Variants in PAX6 observed in about 807,000 individuals in gnomAD.
PAX6 encodes paired box 6, also known as paired box protein Pax-6.
A neutral mutation model predicts 60.7 loss-of-function variants in PAX6; 7 were observed. That is an observed-to-expected ratio of 0.12 (90% confidence interval 0.07 to 0.22). The LOEUF is 0.22. Among genes scored for constraint, PAX6 ranks in the 10% least tolerant of loss-of-function variants. The pLI is 1.00. For synonymous variants in PAX6, 208 were observed against 201.2 expected (o/e 1.03, Z -0.29); for missense variants, 355 against 555.2 (o/e 0.64, Z 3.62).
Position 31,811,080 on chromosome 11 carries a change from A to C in PAX6, c.-317+35T>G, listed in dbSNP as rs536849527. On this transcript the variant is annotated intron_variant, in intron 1 of 13. Coordinates refer to ENST00000640368, the MANE Select transcript of PAX6 (RefSeq NM_001368894.2). ...AGCGGCTGGAGAGTGAGAGATAAAG[A>C]GTGTGGGTGAGGGAAGTGGCTGCAG... The C allele has an allele frequency of 5.5e-5, 22 of 399,246 alleles. No individual in the cohort carries two copies. In the South Asian group the frequency reaches 2.7e-3, roughly 48 times the overall value. The allele number at this position is 399,246 out of a possible 1,614,324, so 24.7% of individuals were successfully genotyped here.
chr11:31,815,499 G>A (rs1957336243), upstream of PAX6, among the ~76,000 whole-genome samples: 1 of 152,118 alleles, frequency 6.6e-6, no homozygotes, highest in Non-Finnish European at 1.5e-5. Context: ...GGAACTGGGG[G>A]CTTTACTGGG....
At chr11:31,797,881 C>G (rs757872713) in intron 8 of PAX6, among the ~76,000 whole-genome samples, 6 of 152,152 alleles carry the variant, frequency 3.9e-5, no homozygotes, top group Admixed American at 1.3e-4. Flanking sequence ...GTGCCGTTCA[C>G]CTTCCAGCCT....
At chr11:31,792,928 G>A (rs1332400350) in intron 12 of PAX6, 1 of 334,770 alleles carries the variant, frequency 3.0e-6, no homozygotes, top group Admixed American at 4.5e-5. Flanking sequence ...ATTATATTAT[G>A]TATATCTCAC....
intron 11 of PAX6, 41 bp from the exon 12 acceptor site, chr11:31,793,594 G>C (rs756554745): frequency 1.9e-6 from 3 of 1,613,448 alleles, no homozygotes; most frequent in South Asian, 2.2e-5. Flanking sequence ...GTGAGAGTCA[G>C]AGCCCGGAGC....
rs1391346869 is a variant in PAX6 at position 31,793,275 on chromosome 11, A to G, written c.1074+163T>C. On this transcript the variant is annotated intron_variant, in intron 12 of 13. Coordinates refer to ENST00000640368, the MANE Select transcript of PAX6 (RefSeq NM_001368894.2). ...CATGAATTAATGAGTCAATCACTTA[A>G]AAGTGATGGGATTGACTGTCTCCGA... The G allele has an allele frequency of 7.0e-6, 5 of 717,244 alleles. No individual in the cohort carries two copies. The South Asian group carries it at 7.3e-5, about 10-fold the overall frequency. The allele number at this position is 717,244 out of a possible 1,614,324, so 44.4% of individuals were successfully genotyped here.
At chr11:31,802,445 T>C (rs536482257) in intron 5 of PAX6, 2 of 474,816 alleles carry the variant, frequency 4.2e-6, no homozygotes, top group Non-Finnish European at 7.4e-6. Flanking sequence ...AAGATTTTTT[T>C]AAAAAAATCC....
chr11:31,797,705 C>G lies in PAX6; in HGVS notation c.566-2917G>C, dbSNP rs553489601. On this transcript the variant is annotated intron_variant, in intron 8 of 13. Coordinates refer to ENST00000640368, the MANE Select transcript of PAX6 (RefSeq NM_001368894.2). ...TTACATAAAATGGGTACATTTCCCC[C>G]CACTTTAGTGGATTTGCCTTCCACT... Among the ~76,000 whole-genome samples the G allele has an allele frequency of 8.5e-5, 13 of 152,262 alleles. No individual in the cohort carries two copies. In the South Asian group the frequency reaches 2.7e-3, roughly 32 times the overall value.
At chr11:31,794,864 T>A in intron 8 of PAX6, 76 bp from the exon 9 acceptor site, 1 of 1,372,518 alleles carries the variant, frequency 7.3e-7, no homozygotes, top group Non-Finnish European at 1.0e-6. Flanking sequence ...GGTGTAGTCT[T>A]AAACTCCAAG....
At chr11:31,800,458 C>A in intron 8 of PAX6, 3 of 626,694 alleles carry the variant, frequency 4.8e-6, no homozygotes, top group South Asian at 3.6e-5. Flanking sequence ...CACCCACCAG[C>A]CACCTTCATA....
intron 4 of PAX6, chr11:31,806,104 A>C: frequency 6.9e-6 from 3 of 437,270 alleles, no homozygotes. Context: ...CAGGGGCGAG[A>C]GGGGGTGTGA....
intron 12 of PAX6, chr11:31,791,094 C>G: frequency 1.6e-6 from 1 of 618,248 alleles, no homozygotes; most frequent in East Asian, 3.0e-5. Context: ...ACTTTAGGTT[C>G]TGACAACTGT....
chr11:31,809,657 T>C (rs1388305066), intron 2 of PAX6: 2 of 152,194 alleles, frequency 1.3e-5, no homozygotes, highest in African/African-American at 4.8e-5. Flanking sequence ...AAAGACACTT[T>C]TCCTCCTGGG....
At chr11:31,813,961 C>T (rs1592669182), upstream of PAX6, among the ~76,000 whole-genome samples, 1 of 152,102 alleles carries the variant, frequency 6.6e-6, no homozygotes, top group East Asian at 1.9e-4. Context: ...GGTGCGGGCG[C>T]GGTTGCCAGA....
chr11:31,793,480 C>T lies in PAX6; in HGVS notation c.1032G>A (p.Pro344=), dbSNP rs146261351. The part of the protein sequence containing the change: ...TALTNTYSAL[P]PMPSFTMANN... ...TTGCCATGGTGAAGCTGGGCATAGG[C>T]GGCAGAGCGCTGTAGGTGTTTGTGA... Residue 344 remains proline, a synonymous_variant, in exon 12 of 14, where the codon CCG becomes CCA. Transcript: ENST00000640368. The T allele has an allele frequency of 1.0e-4, 165 of 1,614,218 alleles. No individual in the cohort carries two copies. The African/African-American group carries it at 1.4e-3, about 14-fold the overall frequency.
At chr11:31,790,896 A>T in intron 12 of PAX6, 36 bp from the exon 13 acceptor site, 1 of 1,608,934 alleles carries the variant, frequency 6.2e-7, no homozygotes, top group Non-Finnish European at 8.5e-7. Flanking sequence ...GTTACTGAGG[A>T]ACACATCACA....
rs1165203198 is a variant in PAX6 at position 31,789,583 on chromosome 11, A to C, written c.*351T>G. On this transcript the variant is annotated 3_prime_UTR_variant, in exon 14 of 14. Coordinates refer to ENST00000640368, the MANE Select transcript of PAX6 (RefSeq NM_001368894.2). ...TTGATCATGGTTTTCTTTTTAAAAAAAAAAAAAACAACTTCATGACCAACA... is the reference window on the plus strand; with the variant it reads ...TTGATCATGGTTTTCTTTTTAAAAACAAAAAAAACAACTTCATGACCAACA... The C allele has an allele frequency of 3.3e-6, 2 of 605,926 alleles. No individual in the cohort carries two copies. The highest frequency in any genetic ancestry group is 5.8e-6 in the Non-Finnish European group (2 of 344,236). The allele number at this position is 605,926 out of a possible 1,614,324, so 37.5% of individuals were successfully genotyped here.
At position 31,798,370 on chromosome 11, in the gene PAX6, A is replaced by G. The variant is rs1249783200; in HGVS notation, c.565+2321T>C. On this transcript the variant is annotated intron_variant, in intron 8 of 13. Transcript: ENST00000640368. ...ATGGCGTTGATCAGATGGAAACCATATTTGTCTCCCTCTGAGACCTAACCC... is the reference window on the plus strand; with the variant it reads ...ATGGCGTTGATCAGATGGAAACCATGTTTGTCTCCCTCTGAGACCTAACCC... Among the ~76,000 whole-genome samples the G allele has an allele frequency of 2.0e-5, 3 of 151,890 alleles. 1 individual carries two copies.
intron 3 of PAX6, 89 bp downstream of exon 3, chr11:31,806,760 T>C (rs941123368): frequency 7.8e-5 from 26 of 334,806 alleles, no homozygotes; most frequent in Non-Finnish European, 2.7e-5. Context: ...TATTTTCTTC[T>C]ATCTGAACTA....
At chr11:31,803,119 G>A (rs529908581) in intron 4 of PAX6, 12 of 481,464 alleles carry the variant, frequency 2.5e-5, no homozygotes, top group South Asian at 1.0e-4. Flanking sequence ...CCAAGCAACC[G>A]TGCCCCTGCC....
Sources: allele counts gnomAD v4.1 joint callset (sites outside exome capture counted in the v4.1 genomes callset), GRCh38; gene constraint gnomAD v4.1.1; transcripts MANE v1.5; gene names NCBI Gene and HGNC (gene_info 2026-07-23, HGNC 2026-07-21).